Variants in C11orf65 observed in about 807,000 individuals in gnomAD.
The protein encoded by C11orf65 is chromosome 11 open reading frame 65.
In C11orf65, 38 loss-of-function variants were observed where a neutral mutation model predicts 35.3. The ratio of observed to expected loss-of-function variants is 1.08; its 90% CI spans 0.83 to 1.41. The LOEUF (loss-of-function observed/expected upper bound fraction) is 1.41, where lower values mean the gene tolerates loss of function less well. Ranked by LOEUF, C11orf65 falls within the 40% of genes most tolerant of loss-of-function variation. C11orf65 has a pLI of 0.00. For synonymous variants in C11orf65, 105 were observed against 114.4 expected (o/e 0.92, Z 0.53); for missense variants, 370 against 367.1 (o/e 1.01, Z -0.06).
intron 2 of C11orf65, among the ~76,000 whole-genome samples, chr11:108,433,894 C>T (rs1245291405): frequency 6.6e-6 from 1 of 152,078 alleles, no homozygotes. Flanking sequence ...AAAAGATGGC[C>T]AGAAGTATAG....
At chr11:108,451,736 C>T (rs1213075321) in intron 2 of C11orf65, among the ~76,000 whole-genome samples, 4 of 152,116 alleles carry the variant, frequency 2.6e-5, no homozygotes, top group African/African-American at 4.8e-5. Context: ...GGAGGCATCA[C>T]GCTACCTGAC....
chr11:108,449,673 T>C (rs1449101817), intron 2 of C11orf65, among the ~76,000 whole-genome samples: 4 of 151,884 alleles, frequency 2.6e-5, no homozygotes, highest in African/African-American at 7.3e-5. Context: ...GACCTAAAAC[T>C]ATAAAAACCC....
At position 108,347,385 on chromosome 11, in the gene C11orf65, T is replaced by C. The variant is rs1057521774; in HGVS notation, c.227-12093A>G. 2.0e-6 allele frequency: 3 copies of C among 1,531,880 alleles called. No individual in the cohort carries two copies. Among genetic ancestry groups the C allele is most frequent in the African/African-American group, 1.4e-5 (1 of 73,264 alleles). 94.9% of individuals were successfully genotyped at this position (1,531,880 alleles called of 1,614,324 possible). On this transcript the variant is annotated intron_variant, in intron 2 of 3. Transcript: ENST00000524755. ...ATCTAGGTAAGTAATAAAATCTATG[T>C]ATCTATTCTTTTTAGTAAATATTTG...
At chr11:108,469,849 C>G (rs1455079039), upstream of C11orf65, among the ~76,000 whole-genome samples, 1 of 152,116 alleles carries the variant, frequency 6.6e-6, no homozygotes, top group Non-Finnish European at 1.5e-5. Context: ...AGACGCAGAA[C>G]TCAGAAGAAC....
Position 108,407,129 on chromosome 11 carries a change from A to G in C11orf65, c.195T>C (p.Ala65=), listed in dbSNP as rs777033839. Residue 65 remains alanine, a synonymous_variant, in exon 4 of 9, where the codon GCT becomes GCC. Coordinates refer to ENST00000393084, the MANE Select transcript of C11orf65 (RefSeq NM_152587.5). ...ATCTGAATCGCACATGAATGCCAGC[A>G]GCAGCATCTAGAAGCTCTGCCTATA... ...NPKEAELLDA[A]AGIHVRFRLG... The G allele has an allele frequency of 3.1e-6, 5 of 1,609,288 alleles. No homozygotes were observed. Among genetic ancestry groups the G allele is most frequent in the Non-Finnish European group, 4.2e-6 (5 of 1,176,770 alleles).
intron 3 of C11orf65, among the ~76,000 whole-genome samples, chr11:108,334,419 A>T (rs2086609900): frequency 6.6e-6 from 1 of 152,240 alleles, no homozygotes; most frequent in African/African-American, 2.4e-5. Context: ...TGCATGATAC[A>T]CTTAGCTCTG....
At chr11:108,313,818 T>C (rs191825689) in intron 6 of C11orf65, among the ~76,000 whole-genome samples, 68 of 152,350 alleles carry the variant, frequency 4.5e-4, no homozygotes, top group Admixed American at 8.5e-4. Context: ...GCAAGCACCA[T>C]ATAGGCAGTT....
At chr11:108,335,579 T>G (rs903579859) in intron 2 of C11orf65, among the ~76,000 whole-genome samples, 8 of 152,222 alleles carry the variant, frequency 5.3e-5, no homozygotes, top group African/African-American at 1.9e-4. Context: ...GCTGTTTTAC[T>G]CAGGTGTTTG....
At chr11:108,360,346 C>G (rs2090574762) in intron 2 of C11orf65, among the ~76,000 whole-genome samples, 1 of 151,110 alleles carries the variant, frequency 6.6e-6, no homozygotes, top group Admixed American at 6.6e-5. Flanking sequence ...GATGGATTCA[C>G]AGCTGAATTC....
chr11:108,425,144 A>G (rs1451461279), intron 3 of C11orf65, among the ~76,000 whole-genome samples: 3 of 152,178 alleles, frequency 2.0e-5, no homozygotes, highest in Non-Finnish European at 2.9e-5. Flanking sequence ...AAGACAAGAA[A>G]TATCTACGAT....
downstream of C11orf65, among the ~76,000 whole-genome samples, chr11:108,379,189 G>A (rs1253862859): frequency 1.3e-5 from 2 of 152,128 alleles, no homozygotes; most frequent in Admixed American, 1.3e-4. Flanking sequence ...TATGTTTATT[G>A]CCGCACTATT....
chr11:108,367,069 C>A, intron 2 of C11orf65: 1 of 182,090 alleles, frequency 5.5e-6, no homozygotes, highest in Non-Finnish European at 1.2e-5. Flanking sequence ...CTCACTGAAA[C>A]CTCTGCCTCC....
intron 2 of C11orf65, among the ~76,000 whole-genome samples, chr11:108,455,777 C>G (rs1331273168): frequency 2.2e-5 from 3 of 133,398 alleles, no homozygotes; most frequent in Non-Finnish European, 3.1e-5. Flanking sequence ...GATCACATCA[C>G]TGCACTCCAG....
rs1397811936 is a variant in C11orf65 at position 108,393,349 on chromosome 11, G to C, written c.590C>G (p.Ser197Ter). Reference sequence around the variant, plus strand: ...TAGTCCTAGAGTTTCATGATGTGTTGACTTAGCCTCCAGACTTCCTGAGTA... The same window carrying C: ...TAGTCCTAGAGTTTCATGATGTGTTCACTTAGCCTCCAGACTTCCTGAGTA... ...MYYSGSLEAK[S>*]THHETLGLIH... The change falls in exon 7 of 9, where the codon TCA becomes TGA. Residue 197 changes from serine (S) to a stop codon, truncating the protein, a stop_gained. Coordinates refer to ENST00000393084, the MANE Select transcript of C11orf65 (RefSeq NM_152587.5). LOFTEE classifies it high-confidence loss of function. 6.2e-7 allele frequency: 1 copy of C among 1,613,886 alleles called. No homozygotes were observed. The highest frequency in any genetic ancestry group is 1.3e-5 in the African/African-American group (1 of 74,918).
chr11:108,341,682 C>T (rs901176890), intron 2 of C11orf65, among the ~76,000 whole-genome samples: 1 of 151,770 alleles, frequency 6.6e-6, no homozygotes, highest in Non-Finnish European at 1.5e-5. Flanking sequence ...TTAATTAGAA[C>T]AAAAAGGATC....
chr11:108,332,999 C>A (rs1181902896), intron 3 of C11orf65: 1 of 1,431,390 alleles, frequency 7.0e-7, no homozygotes, highest in Non-Finnish European at 9.6e-7. Context: ...TGCTTAAAAT[C>A]ACAAACGTAA....
rs185939871 is a variant in C11orf65 at position 108,332,244 on chromosome 11, C to T, written c.300-677G>A. On this transcript the variant is annotated intron_variant, in intron 3 of 3. Transcript: ENST00000524755. ...GAAGTTCGAGACCATCCTGGCTGAC[C>T]GACACAGCAAAACCCTGTCTCTACT... 7.3e-4 allele frequency among the ~76,000 whole-genome samples: 111 copies of T among 151,990 alleles called. 1 individual carries two copies. Among genetic ancestry groups the T allele is most frequent in the African/African-American group, 2.5e-3 (103 of 41,446 alleles).
At chr11:108,467,929 G>A (rs1165468928), upstream of C11orf65, among the ~76,000 whole-genome samples, 1 of 152,112 alleles carries the variant, frequency 6.6e-6, no homozygotes, top group Admixed American at 6.6e-5. Context: ...TGGCTCAGGT[G>A]ATTCTCCCAC....
intron 6 of C11orf65, chr11:108,309,131 C>A: frequency 3.2e-6 from 3 of 949,572 alleles, no homozygotes; most frequent in Non-Finnish European, 4.8e-6. Context: ...CAAGTCCAAG[C>A]TTGTGCTGTG....
Sources: gnomAD v4.1 joint callset for allele counts (sites outside exome capture counted in the v4.1 genomes callset) on GRCh38, gnomAD v4.1.1 for gene constraint, MANE v1.5 for transcripts, NCBI Gene and HGNC (gene_info 2026-07-23, HGNC 2026-07-21) for gene names.